Variants in CDKAL1 observed in about 807,000 individuals in gnomAD.
The protein encoded by CDKAL1 is CDKAL1 threonylcarbamoyladenosine tRNA methylthiotransferase.
In CDKAL1, 32 loss-of-function variants were observed where a neutral mutation model predicts 68.2. The observed-to-expected ratio is 0.47, with a 90% CI of 0.35 to 0.63. CDKAL1 has a LOEUF of 0.63. Ranked by LOEUF, CDKAL1 falls within the 30% of genes least tolerant of loss-of-function variation. CDKAL1 has a pLI of 0.00. For missense variants in CDKAL1, 606 were observed against 696.7 expected (o/e 0.87, Z 1.47); for synonymous variants, 234 against 244.3 (o/e 0.96, Z 0.39).
At chr6:20,767,124 C>G (rs559309426) in intron 7 of CDKAL1, among the ~76,000 whole-genome samples, 1 of 151,948 alleles carries the variant, frequency 6.6e-6, no homozygotes, top group African/African-American at 2.4e-5. Flanking sequence ...TGCTTTATTA[C>G]GTGACTGGAG....
intron 13 of CDKAL1, among the ~76,000 whole-genome samples, chr6:21,115,461 G>A (rs1460364637): frequency 6.6e-6 from 1 of 152,210 alleles, no homozygotes; most frequent in African/African-American, 2.4e-5. Flanking sequence ...ATGATAGCCA[G>A]GTTTTCATGG....
In CDKAL1 at chr6:21,129,920, C is replaced by CT. The variant is rs932400322; in HGVS notation, c.1299+21464dup. On this transcript the variant is annotated intron_variant, in intron 13 of 15. Transcript: ENST00000274695. ...CTTAATACAGTCCCTTTTTTTTCTA[C>CT]TTTTTTTAAAAATTTAGGTATGGAA... Among the ~76,000 whole-genome samples, 4 of 151,572 alleles carry CT rather than the reference C, an allele frequency of 2.6e-5. No individual in the cohort carries two copies. The South Asian group carries it at 6.3e-4, about 24-fold the overall frequency.
At chr6:21,005,867 G>A (rs1330405496) in intron 11 of CDKAL1, among the ~76,000 whole-genome samples, 1 of 152,128 alleles carries the variant, frequency 6.6e-6, no homozygotes, top group Non-Finnish European at 1.5e-5. Flanking sequence ...ATGGGTAAAG[G>A]GGAATCTTTT....
chr6:20,671,883 C>A (rs1182198555), intron 5 of CDKAL1, among the ~76,000 whole-genome samples: 1 of 152,024 alleles, frequency 6.6e-6, no homozygotes, highest in East Asian at 1.9e-4. Context: ...GGACTCTAGG[C>A]ACACACCACC....
chr6:20,930,994 C>T (rs942256571), intron 9 of CDKAL1, among the ~76,000 whole-genome samples: 2 of 152,052 alleles, frequency 1.3e-5, no homozygotes, highest in East Asian at 1.9e-4. Context: ...CCGCCCGCCT[C>T]GGCCTCCCAA....
intron 9 of CDKAL1, among the ~76,000 whole-genome samples, chr6:20,868,801 A>G (rs1464938474): frequency 6.6e-6 from 1 of 152,224 alleles, no homozygotes; most frequent in Non-Finnish European, 1.5e-5. Flanking sequence ...GCCGTGTGTT[A>G]GAAGTGACTA....
At chr6:20,999,677 A>G (rs1354687913) in intron 10 of CDKAL1, among the ~76,000 whole-genome samples, 5 of 146,190 alleles carry the variant, frequency 3.4e-5, no homozygotes, top group African/African-American at 1.1e-4. Flanking sequence ...AAAAAAAAAA[A>G]AAAAAAAAAA....
At chr6:20,804,319 CAGAG>C (rs1387886809) in intron 8 of CDKAL1, among the ~76,000 whole-genome samples, 1 of 152,050 alleles carries the variant, frequency 6.6e-6, no homozygotes, top group Non-Finnish European at 1.5e-5. Context: ...AGTATGAACT[CAGAG>C]AGAGAAAATA....
intron 4 of CDKAL1, among the ~76,000 whole-genome samples, chr6:20,637,255 T>C (rs1189600468): frequency 1.3e-5 from 2 of 151,686 alleles, no homozygotes; most frequent in Non-Finnish European, 2.9e-5. Context: ...TGTTTGATAA[T>C]GAAGGGGGAG....
chr6:20,844,775 G>A (rs1324443068), intron 8 of CDKAL1, among the ~76,000 whole-genome samples: 3 of 151,888 alleles, frequency 2.0e-5, no homozygotes, highest in Admixed American at 6.6e-5. Context: ...AAACAAAATT[G>A]AGTTACTCTA....
At chr6:20,961,493 C>T (rs576306058) in intron 10 of CDKAL1, among the ~76,000 whole-genome samples, 10 of 152,196 alleles carry the variant, frequency 6.6e-5, no homozygotes, top group East Asian at 1.9e-4. Flanking sequence ...ATCGGCTGGG[C>T]GCAGTGGCTC....
chr6:20,891,416 T>C (rs924133333), intron 9 of CDKAL1, among the ~76,000 whole-genome samples: 1 of 152,130 alleles, frequency 6.6e-6, no homozygotes, highest in Admixed American at 6.5e-5. Context: ...CCCCCTGGAG[T>C]GCAGATCATG....
At chr6:21,000,735 T>A (rs1218849025) in intron 11 of CDKAL1, among the ~76,000 whole-genome samples, 1 of 152,220 alleles carries the variant, frequency 6.6e-6, no homozygotes, top group Non-Finnish European at 1.5e-5. Context: ...GGTTTTGACA[T>A]GGACAGAGGC....
At chr6:20,952,442 T>C (rs1410718360) in intron 9 of CDKAL1, among the ~76,000 whole-genome samples, 9 of 152,080 alleles carry the variant, frequency 5.9e-5, no homozygotes, top group African/African-American at 1.2e-4. Flanking sequence ...CCACCACCAA[T>C]AGGGATGGAT....
intron 12 of CDKAL1, among the ~76,000 whole-genome samples, chr6:21,106,722 T>C (rs186660435): frequency 2.0e-5 from 3 of 152,368 alleles, no homozygotes; most frequent in East Asian, 3.9e-4. Flanking sequence ...ATAGGTTATA[T>C]GCGAATTCTG....
Position 21,174,932 on chromosome 6 carries a change from C to T in CDKAL1, c.1300-23089C>T, listed in dbSNP as rs373023538. Among the ~76,000 whole-genome samples, 3 of 152,108 alleles carry T rather than the reference C, an allele frequency of 2.0e-5. No individual in the cohort carries two copies. The East Asian group carries it at 5.8e-4, about 29-fold the overall frequency. ...TTATGGCATCTTCATTATATGGCCTCCTGTGCACTCATCTGAAAAATAAAG... is the reference window on the plus strand; with the variant it reads ...TTATGGCATCTTCATTATATGGCCTTCTGTGCACTCATCTGAAAAATAAAG... On this transcript the variant is annotated intron_variant, in intron 13 of 15. Transcript: ENST00000274695.
intron 7 of CDKAL1, among the ~76,000 whole-genome samples, chr6:20,780,427 T>C (rs866582473): frequency 9.8e-5 from 15 of 152,308 alleles, no homozygotes; most frequent in Middle Eastern, 3.4e-3. Context: ...GTTGTTTGCT[T>C]TGAGCAGATA....
chr6:20,982,904 G>C (rs1766233555), intron 10 of CDKAL1, among the ~76,000 whole-genome samples: 1 of 151,938 alleles, frequency 6.6e-6, no homozygotes, highest in Non-Finnish European at 1.5e-5. Context: ...AGTAAATTTG[G>C]CTTCCCAAAT....
intron 9 of CDKAL1, among the ~76,000 whole-genome samples, chr6:20,894,123 T>G (rs1448410202): frequency 6.6e-6 from 1 of 152,202 alleles, no homozygotes; most frequent in Non-Finnish European, 1.5e-5. Flanking sequence ...GCTTATTGAC[T>G]GCACACTAAG....
Sources: allele counts gnomAD v4.1 joint callset (sites outside exome capture counted in the v4.1 genomes callset), GRCh38; gene constraint gnomAD v4.1.1; transcripts MANE v1.5; gene names NCBI Gene and HGNC (gene_info 2026-07-23, HGNC 2026-07-21).